Variants in CDYL2 observed in about 807,000 individuals in gnomAD.
The protein encoded by CDYL2 is chromodomain Y-like protein 2.
A neutral mutation model predicts 49.4 loss-of-function variants in CDYL2; 23 were observed. The ratio of observed to expected loss-of-function variants is 0.47; its 90% CI spans 0.34 to 0.66. The LOEUF (loss-of-function observed/expected upper bound fraction) is 0.66. Among genes scored for constraint, CDYL2 ranks in the 30% least tolerant of loss-of-function variants. The probability of loss-of-function intolerance (pLI) is 0.01; values close to 1 mark genes in which losing one functional copy is unlikely to be tolerated. For missense variants in CDYL2, 678 were observed against 656.4 expected, an observed-to-expected ratio of 1.03 and a Z score of -0.36; for synonymous variants, 360 against 268.8, an observed-to-expected ratio of 1.34 and a Z score of -3.32.
intron 1 of CDYL2, among the ~76,000 whole-genome samples, chr16:80,697,153 C>A (rs920654146): frequency 1.3e-5 from 2 of 152,170 alleles, no homozygotes; most frequent in African/African-American, 2.4e-5. Context: ...CCCTGATGAA[C>A]GTAGATGCAA....
intron 1 of CDYL2, among the ~76,000 whole-genome samples, chr16:80,790,045 T>A (rs142822310): frequency 1.3e-5 from 2 of 152,290 alleles, no homozygotes; most frequent in East Asian, 1.9e-4. Flanking sequence ...TACCCCAAAA[T>A]CTAAAACAAA....
intron 2 of CDYL2, among the ~76,000 whole-genome samples, chr16:80,647,113 C>T (rs1908384516): frequency 6.6e-6 from 1 of 151,904 alleles, no homozygotes; most frequent in South Asian, 2.1e-4. Flanking sequence ...TTACAATAGC[C>T]ACAAATAAAA....
chr16:80,773,755 C>A (rs913656946), intron 1 of CDYL2, among the ~76,000 whole-genome samples: 1 of 151,908 alleles, frequency 6.6e-6, no homozygotes, highest in East Asian at 1.9e-4. Flanking sequence ...TATTAAAACT[C>A]GTATGACATA....
intron 1 of CDYL2, among the ~76,000 whole-genome samples, chr16:80,756,273 G>A (rs931447768): frequency 6.6e-6 from 1 of 152,066 alleles, no homozygotes; most frequent in Non-Finnish European, 1.5e-5. Context: ...TCAATTCTCT[G>A]AAAAACCTTA....
rs199552836 is a variant in CDYL2, at chr16:80,751,082, T to C, written c.24+53068A>G. Among the ~76,000 whole-genome samples, 3 of 152,078 alleles carry C rather than the reference T, an allele frequency of 2.0e-5. No individual in the cohort carries two copies. In the East Asian group the frequency reaches 5.8e-4, roughly 29 times the overall value. Reference sequence around the variant, plus strand: ...TAAAAGCTGCTCAACTCATTTTACATTATAGAAAAATATAGGAATCTATCA... The same window carrying C: ...TAAAAGCTGCTCAACTCATTTTACACTATAGAAAAATATAGGAATCTATCA... On this transcript the variant is annotated intron_variant, in intron 1 of 6. Coordinates refer to ENST00000570137, the MANE Select transcript of CDYL2 (RefSeq NM_152342.4).
At chr16:80,794,319 A>T (rs1187222950) in intron 1 of CDYL2, among the ~76,000 whole-genome samples, 2 of 152,200 alleles carry the variant, frequency 1.3e-5, no homozygotes, top group Non-Finnish European at 2.9e-5. Context: ...ACTGTGCTGT[A>T]AAAGTGTATT....
chr16:80,620,367 A>G (rs1907024562), intron 4 of CDYL2, among the ~76,000 whole-genome samples: 1 of 152,102 alleles, frequency 6.6e-6, no homozygotes, highest in African/African-American at 2.4e-5. Context: ...GGGACATACA[A>G]ACAACCAGAC....
intron 6 of CDYL2, among the ~76,000 whole-genome samples, chr16:80,607,050 G>A (rs1906369506): frequency 6.6e-6 from 1 of 152,210 alleles, no homozygotes; most frequent in South Asian, 2.1e-4. Context: ...CACACCAGGA[G>A]AGTCCCAGAC....
At chr16:80,707,115 T>C (rs1045039097) in intron 1 of CDYL2, among the ~76,000 whole-genome samples, 2 of 152,230 alleles carry the variant, frequency 1.3e-5, no homozygotes, top group Admixed American at 1.3e-4. Flanking sequence ...ATAGCCATTA[T>C]GGTTCTACCT....
rs183854521 is a variant in CDYL2, at chr16:80,638,033, T to C, written c.617-4797A>G. Among the ~76,000 whole-genome samples the C allele has an allele frequency of 8.9e-4, 135 of 152,216 alleles. 1 individual carries two copies. Among genetic ancestry groups the C allele is most frequent in the African/African-American group, 3.1e-3 (129 of 41,546 alleles). On this transcript the variant is annotated intron_variant, in intron 2 of 6. Transcript: ENST00000570137. The stretch of plus-strand genomic sequence containing the variant: ...AAATTCTGATGAAACAAAGAAAATC[T>C]AAGTAAATGGAGAAATAATCTGTGT...
chr16:80,725,918 A>C (rs1446532157), intron 1 of CDYL2, among the ~76,000 whole-genome samples: 4 of 152,202 alleles, frequency 2.6e-5, no homozygotes, highest in Non-Finnish European at 5.9e-5. Context: ...TTGGGGCATG[A>C]AGTTTTCATC....
chr16:80,638,628 T>G (rs770140417), intron 2 of CDYL2, among the ~76,000 whole-genome samples: 22 of 152,102 alleles, frequency 1.4e-4, no homozygotes, highest in Non-Finnish European at 3.2e-4. Flanking sequence ...AACAGATACA[T>G]GCATCAGTGG....
intron 1 of CDYL2, among the ~76,000 whole-genome samples, chr16:80,723,659 T>C (rs1001981783): frequency 1.4e-4 from 21 of 152,204 alleles, no homozygotes; most frequent in African/African-American, 4.8e-4. Flanking sequence ...TAACAGCTGC[T>C]ACAGTAAATA....
intron 3 of CDYL2, among the ~76,000 whole-genome samples, chr16:80,631,257 T>C (rs1045645018): frequency 3.3e-5 from 5 of 152,184 alleles, no homozygotes; most frequent in African/African-American, 1.2e-4. Context: ...TGACATGAGA[T>C]AAACAGCAAA....
At position 80,602,072 on chromosome 16, in the gene CDYL2, A is replaced by C. The variant is rs1906112521; in HGVS notation, c.*2316T>G. 6.6e-6 allele frequency: 1 copy of C among 152,218 alleles called. No homozygotes were observed. The highest frequency in any genetic ancestry group is 2.1e-4 in the South Asian group (1 of 4,832). The allele number at this position is 152,218 out of a possible 1,614,324, so 9.4% of individuals were successfully genotyped here. A position where few individuals can be genotyped will look rare whatever the true frequency, so the allele number is the denominator to read the frequency against. On this transcript the variant is annotated 3_prime_UTR_variant, in exon 7 of 7. Transcript: ENST00000570137. Reference sequence around the variant, plus strand: ...TGCGCCCAATCAGAAGTTCAACAGAAAAGAGGGGGCTCTTTCTAATGAAAA... The same window carrying C: ...TGCGCCCAATCAGAAGTTCAACAGACAAGAGGGGGCTCTTTCTAATGAAAA...
At chr16:80,766,609 TC>T in intron 1 of CDYL2, among the ~76,000 whole-genome samples, 1 of 152,262 alleles carries the variant, frequency 6.6e-6, no homozygotes, top group East Asian at 1.9e-4. Context: ...CTTACTCAAC[TC>T]CCTTTACAAA....
At chr16:80,757,010 C>G (rs1380176407) in intron 1 of CDYL2, among the ~76,000 whole-genome samples, 1 of 152,210 alleles carries the variant, frequency 6.6e-6, no homozygotes, top group East Asian at 1.9e-4. Context: ...GTAATAATGA[C>G]ATTCCCATTA....
At chr16:80,615,516 T>A (rs1982420) in intron 4 of CDYL2, among the ~76,000 whole-genome samples, 25,148 of 151,926 alleles carry the variant, frequency 0.17, 4,941 homozygotes, top group African/African-American at 0.48. Context: ...ACGTTTTTAA[T>A]AAAAGAGGGT....
At chr16:80,613,356 A>G (rs1157627206) in intron 4 of CDYL2, among the ~76,000 whole-genome samples, 3 of 152,140 alleles carry the variant, frequency 2.0e-5, no homozygotes, top group Non-Finnish European at 4.4e-5. Context: ...TTTTAGCTCA[A>G]TGATTATGCT....
Sources: allele counts gnomAD v4.1 joint callset (sites outside exome capture counted in the v4.1 genomes callset), GRCh38; gene constraint gnomAD v4.1.1; transcripts MANE v1.5; gene names NCBI Gene and HGNC (gene_info 2026-07-23, HGNC 2026-07-21).